TNRC6A: variants seen among roughly 807,000 people sequenced by gnomAD.
TNRC6A encodes the protein trinucleotide repeat containing adaptor 6A, also known as trinucleotide repeat-containing gene 6A protein.
TNRC6A carries 44 observed loss-of-function variants against 221.2 expected under a neutral mutation model. That is an observed-to-expected ratio of 0.20 (90% CI 0.16 to 0.26). The LOEUF (loss-of-function observed/expected upper bound fraction) is 0.26. TNRC6A is among the 10% of genes least tolerant of loss of function. The probability of loss-of-function intolerance (pLI) is 1.00; values close to 1 mark genes in which losing one functional copy is unlikely to be tolerated. For synonymous variants in TNRC6A, 847 were observed against 838.5 expected (o/e 1.01, Z -0.18); for missense variants, 2,199 against 2,404.4 (o/e 0.91, Z 1.79).
chr16:24,616,325 CAA>C (rs397855433), intron 1 of TNRC6A, among the ~76,000 whole-genome samples: 18 of 74,094 alleles, frequency 2.4e-4, no homozygotes, highest in South Asian at 4.7e-4. Flanking sequence ...GATGCTGTCT[CAA>C]AAAAAAAAAA....
At position 24,812,019 on chromosome 16, in the gene TNRC6A, A is replaced by ATTTTTTTTTTTTTTTT. The variant is rs71156440; in HGVS notation, c.4672+2570_4672+2585dup. ...CCGTTCAGGGGAATGTCACTTTGGG[A>ATTTTTTTTTTTTTTTT]TTTTTTTTTTTTTTTTTTTTTTTTT... On this transcript the variant is annotated intron_variant, in intron 18 of 24. Transcript: ENST00000395799. 5.6e-4 allele frequency among the ~76,000 whole-genome samples: 23 copies of ATTTTTTTTTTTTTTTT among 40,854 alleles called. 5 individuals carry two copies. The highest frequency in any genetic ancestry group is 9.0e-4 in the Admixed American group (2 of 2,222). The allele number at this position is 40,854 out of a possible 152,430, so 26.8% of individuals were successfully genotyped here.
At chr16:24,734,578 A>T (rs936257734) in intron 2 of TNRC6A, among the ~76,000 whole-genome samples, 1 of 152,172 alleles carries the variant, frequency 6.6e-6, no homozygotes, top group Non-Finnish European at 1.5e-5. Flanking sequence ...TGTGGTTGAA[A>T]CAGATTCAGT....
At chr16:24,727,414 G>C (rs2056510796), upstream of TNRC6A, among the ~76,000 whole-genome samples, 1 of 152,150 alleles carries the variant, frequency 6.6e-6, no homozygotes, top group Admixed American at 6.5e-5. Context: ...TTTTGGTTCA[G>C]ATACTCCCGT....
rs757877428 is a variant in TNRC6A, at chr16:24,789,373, G to A, written c.731G>A (p.Gly244Asp). The part of the protein sequence containing the change: ...SEKEAWPSAP[G>D]SDPELASECM... ...AAAGAAGCATGGCCCTCAGCCCCTGGCAGTGATCCGGAGTTGGCTTCAGAA... is the reference window on the plus strand; with the variant it reads ...AAAGAAGCATGGCCCTCAGCCCCTGACAGTGATCCGGAGTTGGCTTCAGAA... The change falls in exon 6 of 25, where the codon GGC becomes GAC. Residue 244 changes from glycine (G) to aspartate (D), a missense_variant. Gly to Asp is a moderately conservative substitution (Grantham distance 94). Around this residue, in one of 8 missense-constraint regions of TNRC6A, gnomAD observed 1,405 missense variants for 1,400.2 expected, o/e 1.00. Coordinates refer to ENST00000395799, the MANE Select transcript of TNRC6A (RefSeq NM_014494.4). The A allele has an allele frequency of 3.7e-6, 6 of 1,614,098 alleles. No homozygotes were observed. The South Asian group carries it at 5.5e-5, about 15-fold the overall frequency.
chr16:24,677,360 G>A (rs1257888767), intron 2 of TNRC6A, among the ~76,000 whole-genome samples: 1 of 151,918 alleles, frequency 6.6e-6, no homozygotes, highest in East Asian at 1.9e-4. Context: ...ACGGGGTTTT[G>A]CCAGGTTGGC....
intron 2 of TNRC6A, among the ~76,000 whole-genome samples, chr16:24,644,354 G>T (rs148406932): frequency 6.6e-6 from 1 of 151,992 alleles, no homozygotes; most frequent in African/African-American, 2.4e-5. Flanking sequence ...GAGTGCAGTG[G>T]TGCAATCACA....
chr16:24,701,696 C>T (rs961272033), intron 2 of TNRC6A, among the ~76,000 whole-genome samples: 3 of 152,128 alleles, frequency 2.0e-5, no homozygotes, highest in African/African-American at 4.8e-5. Flanking sequence ...TCCTGGCTTC[C>T]GAAACCCATG....
intron 2 of TNRC6A, among the ~76,000 whole-genome samples, chr16:24,646,205 A>G (rs1902281171): frequency 6.6e-6 from 1 of 152,100 alleles, no homozygotes; most frequent in South Asian, 2.1e-4. Flanking sequence ...TGCTGAGAAA[A>G]CTTAAGTCAC....
intron 3 of TNRC6A, 112 bp downstream of exon 3, chr16:24,750,925 G>A: frequency 9.6e-7 from 1 of 1,036,312 alleles, no homozygotes; most frequent in Non-Finnish European, 1.3e-6. Context: ...AGCTTTAATG[G>A]AGATTCATTT....
chr16:24,793,569 G>T lies in TNRC6A; in HGVS notation c.3272G>T (p.Trp1091Leu). The T allele has an allele frequency of 4.5e-6, 7 of 1,570,526 alleles. No individual in the cohort carries two copies. The highest frequency in any genetic ancestry group is 1.2e-5 in the South Asian group (1 of 81,676). ...WGKPIDSGPS[W>L]GEPIAAASST... Reference sequence around the variant, plus strand: ...AAGCCCATAGACAGTGGTCCCAGCTGGGGGGAACCCATTGCTGCGGCATCC... The same window carrying T: ...AAGCCCATAGACAGTGGTCCCAGCTTGGGGGAACCCATTGCTGCGGCATCC... The change falls in exon 7 of 25, where the codon TGG (tryptophan) becomes TTG (leucine). Residue 1091 changes from tryptophan to leucine, a missense_variant. This residue lies in a region of TNRC6A where 1,405 missense variants were observed against 1,400.2 expected (regional missense o/e 1.00). Coordinates refer to ENST00000395799, the MANE Select transcript of TNRC6A (RefSeq NM_014494.4).
intron 2 of TNRC6A, among the ~76,000 whole-genome samples, chr16:24,675,708 A>ATG (rs2055406969): frequency 1.7e-5 from 1 of 59,364 alleles, no homozygotes; most frequent in African/African-American, 7.1e-5. Context: ...CTCTCTATAT[A>ATG]TATATATATA....
At chr16:24,806,884 A>G in intron 17 of TNRC6A, 100 bp downstream of exon 17, 4 of 1,140,384 alleles carry the variant, frequency 3.5e-6, no homozygotes, top group Admixed American at 4.0e-5. Flanking sequence ...CATGAAAGCT[A>G]CATTGATCTC....
At position 24,825,434 on chromosome 16, in the gene TNRC6A, A is replaced by C. The variant is rs1287711695; in HGVS notation, c.*1627A>C. 2 of 152,674 alleles carry C rather than the reference A, an allele frequency of 1.3e-5. No individual in the cohort carries two copies. The highest frequency in any genetic ancestry group is 2.9e-5 in the Non-Finnish European group (2 of 68,044). The allele number at this position is 152,674 out of a possible 1,614,324, so 9.5% of individuals were successfully genotyped here. On this transcript the variant is annotated 3_prime_UTR_variant, in exon 25 of 25. Transcript: ENST00000395799. ...ATTATGAAATTTCTTCAGATATAAT[A>C]AACCATGACTTTTTGGCTGCTCAAC...
rs1360883941 is a variant in TNRC6A at position 24,662,839 on chromosome 16, T to A, written n.402+21830T>A. 1.9e-5 allele frequency: 3 copies of A among 153,880 alleles called. No individual in the cohort carries two copies. The East Asian group carries it at 5.8e-4, about 30-fold the overall frequency. 9.5% of individuals were successfully genotyped at this position (153,880 alleles called of 1,614,324 possible). A position where few individuals can be genotyped will look rare whatever the true frequency, so the allele number is the denominator to read the frequency against. On this transcript the variant is annotated intron_variant and non_coding_transcript_variant, in intron 2 of 2. Transcript: ENST00000566108. ...CCTCGTCCTGGTTCTGGTGAAGGCA[T>A]GACAGCTGTGGGCATGCATGTGTGT...
rs1262410290 is a variant in TNRC6A, at chr16:24,823,860, A to G, written c.*53A>G. ...GACCTCAGACGCGAGGGAAAGGAGC[A>G]CTAAGTGGGGCTCGCCGCCTGCAGC... On this transcript the variant is annotated 3_prime_UTR_variant, in exon 25 of 25. Coordinates refer to ENST00000395799, the MANE Select transcript of TNRC6A (RefSeq NM_014494.4). This position sits in a 1 kb window ranked among gnomAD's most constrained non-coding sequence, Gnocchi z 4.3. 2 of 1,369,054 alleles carry G rather than the reference A, an allele frequency of 1.5e-6. No individual in the cohort carries two copies. The highest frequency in any genetic ancestry group is 2.8e-5 in the East Asian group (1 of 36,234). 84.8% of individuals were successfully genotyped at this position (1,369,054 alleles called of 1,614,324 possible).
At chr16:24,695,854 C>G (rs1456419156) in intron 2 of TNRC6A, among the ~76,000 whole-genome samples, 1 of 152,156 alleles carries the variant, frequency 6.6e-6, no homozygotes, top group Non-Finnish European at 1.5e-5. Flanking sequence ...GAACCAATCA[C>G]TGGTTGCCTA....
upstream of TNRC6A, among the ~76,000 whole-genome samples, chr16:24,727,551 AGGGAT>A (rs1006199635): frequency 2.0e-5 from 3 of 152,186 alleles, no homozygotes; most frequent in Non-Finnish European, 2.9e-5. Context: ...CCCCAGGGGT[AGGGAT>A]GGGGGCAACA....
chr16:24,637,073 C>T (rs1401236712), intron 1 of TNRC6A, among the ~76,000 whole-genome samples: 1 of 152,106 alleles, frequency 6.6e-6, no homozygotes, highest in Non-Finnish European at 1.5e-5. Flanking sequence ...CACTCCCTGG[C>T]CCAGGCTAGA....
intron 2 of TNRC6A, among the ~76,000 whole-genome samples, chr16:24,734,627 C>T (rs2056721461): frequency 6.6e-6 from 1 of 152,184 alleles, no homozygotes; most frequent in Non-Finnish European, 1.5e-5. Flanking sequence ...AGTGACCCAG[C>T]TGGGATTTAA....
Sources: gnomAD v4.1 joint callset for allele counts (sites outside exome capture counted in the v4.1 genomes callset) on GRCh38, gnomAD v4.1.1 for gene constraint, gnomAD v4.1.1 regional missense constraint, Gnocchi (gnomAD v3.1) non-coding constraint, MANE v1.5 for transcripts, NCBI Gene and HGNC (gene_info 2026-07-23, HGNC 2026-07-21) for gene names.